FGR: variants seen among roughly 807,000 people sequenced by gnomAD.
FGR encodes FGR proto-oncogene, Src family tyrosine kinase.
A neutral mutation model predicts 63.2 loss-of-function variants in FGR; 26 were observed. The observed-to-expected ratio is 0.41, with a 90% confidence interval of 0.30 to 0.57. The LOEUF (loss-of-function observed/expected upper bound fraction) is 0.57, where lower values mean the gene tolerates loss of function less well. FGR is among the 20% of genes least tolerant of loss of function. The probability of loss-of-function intolerance (pLI) is 0.27; values close to 1 mark genes in which losing one functional copy is unlikely to be tolerated. For synonymous variants in FGR, 286 were observed against 277.7 expected (o/e 1.03, Z -0.30); for missense variants, 511 against 690.8 (o/e 0.74, Z 2.92).
chr1:27,631,506 C>CT (rs922174806), intron 1 of FGR, among the ~76,000 whole-genome samples: 1 of 152,240 alleles, frequency 6.6e-6, no homozygotes, highest in African/African-American at 2.4e-5. Flanking sequence ...TGCCTGACAA[C>CT]TAGCTTAAGG....
chr1:27,625,672 G>A (rs1360896513), intron 1 of FGR, among the ~76,000 whole-genome samples: 3 of 152,222 alleles, frequency 2.0e-5, no homozygotes, highest in Non-Finnish European at 1.5e-5. Flanking sequence ...CAGGCGCAGT[G>A]GCTCACGCCT....
chr1:27,622,891 A>C, intron 4 of FGR, 151 bp downstream of exon 4: 2 of 622,060 alleles, frequency 3.2e-6, no homozygotes, highest in Non-Finnish European at 5.9e-6. Context: ...CTCAACCAGC[A>C]CACAGTTGCA....
In FGR at chr1:27,623,601, A is replaced by C. The variant is rs766779505; in HGVS notation, c.226+90T>G. ...GGTTGTATCTGCCACATCCTCCTGG[A>C]GGCTCCTAAGGGCAAGTTCGCATCT... On this transcript the variant is annotated intron_variant, in intron 3 of 12. Transcript: ENST00000374005. 3.1e-6 allele frequency: 4 copies of C among 1,309,820 alleles called. No homozygotes were observed. The South Asian group carries it at 3.8e-5, about 12-fold the overall frequency. The allele number at this position is 1,309,820 out of a possible 1,614,324, so 81.1% of individuals were successfully genotyped here. A position where few individuals can be genotyped will look rare whatever the true frequency, so the allele number is the denominator to read the frequency against.
At chr1:27,626,918 G>C (rs1395337079) in intron 1 of FGR, among the ~76,000 whole-genome samples, 1 of 152,096 alleles carries the variant, frequency 6.6e-6, no homozygotes, top group Non-Finnish European at 1.5e-5. Context: ...TGCTATCCCA[G>C]GACTTTGGTA....
chr1:27,623,334 C>G (rs2089964302), intron 3 of FGR, 190 bp from the exon 4 acceptor site: 2 of 603,058 alleles, frequency 3.3e-6, no homozygotes, highest in African/African-American at 3.7e-5. Flanking sequence ...CAACTTCAAG[C>G]CCATTCCTCC....
chr1:27,619,399 C>T (rs2089878579), intron 5 of FGR, among the ~76,000 whole-genome samples: 1 of 152,156 alleles, frequency 6.6e-6, no homozygotes, highest in Admixed American at 6.5e-5. Context: ...CCACATTGGC[C>T]AGGCTGGTCT....
rs529497769 is a variant in FGR at position 27,625,418 on chromosome 1, G to A, written c.-76-267C>T. Among the ~76,000 whole-genome samples the A allele has an allele frequency of 4.6e-5, 7 of 152,238 alleles. No homozygotes were observed. The South Asian group carries it at 1.5e-3, about 32-fold the overall frequency. ...ACAATAACACTCACAGCATATATTT[G>A]CATGAGTGTGCGTGCCAACCCCATC... is the stretch of plus-strand genomic sequence containing the variant. On this transcript the variant is annotated intron_variant, in intron 1 of 12. Transcript: ENST00000374005.
Position 27,613,203 on chromosome 1 carries a change from C to A in FGR, c.1381+16G>T, listed in dbSNP as rs1238383126. 2 of 1,612,008 alleles carry A rather than the reference C, an allele frequency of 1.2e-6. No homozygotes were observed. The highest frequency in any genetic ancestry group is 2.7e-5 in the African/African-American group (2 of 74,898). On this transcript the variant is annotated intron_variant, in intron 12 of 12. Transcript: ENST00000374005. The stretch of plus-strand genomic sequence containing the variant: ...TGACCATCCCCCACCCCAGCCCTAC[C>A]CCTGGCGAGGCAAACCTGGGTAGGG...
chr1:27,627,658 G>T (rs1472596459), intron 1 of FGR, among the ~76,000 whole-genome samples: 1 of 152,038 alleles, frequency 6.6e-6, no homozygotes, highest in African/African-American at 2.4e-5. Flanking sequence ...ACCCAGGCTG[G>T]AGTGCAATGG....
Position 27,617,365 on chromosome 1 carries a change from A to C in FGR, c.429-69T>G, listed in dbSNP as rs1571385134. The C allele has an allele frequency of 3.6e-6, 4 of 1,108,806 alleles. No individual in the cohort carries two copies. The highest frequency in any genetic ancestry group is 3.5e-5 in the Admixed American group (2 of 56,856). 68.7% of individuals were successfully genotyped at this position (1,108,806 alleles called of 1,614,324 possible). ...CCTCACCTCAGCCTCCTGCACAGTC[A>C]CCTCACAAGCCAAGACTCCATTTTC... On this transcript the variant is annotated intron_variant, in intron 5 of 12. Transcript: ENST00000374005. The surrounding 1 kb of genome is among the most constrained non-coding windows in gnomAD (Gnocchi z 4.5).
rs780236688 is a variant in FGR, at chr1:27,623,022, T to C, written c.329+20A>G. 7 of 1,551,844 alleles carry C rather than the reference T, an allele frequency of 4.5e-6. No individual in the cohort carries two copies. The African/African-American group carries it at 8.1e-5, about 18-fold the overall frequency. On this transcript the variant is annotated intron_variant, in intron 4 of 12. Transcript: ENST00000374005. ...CTCCCAGCCCAGGCAATGTTCTGAC[T>C]AGGTGGCCTGGTCACTTACGTATTG...
At chr1:27,621,432 A>T in intron 5 of FGR, 127 bp downstream of exon 5, 3 of 666,618 alleles carry the variant, frequency 4.5e-6, no homozygotes. Context: ...TCTCACAATG[A>T]CCTTACAAAA....
In FGR at chr1:27,617,085, C is replaced by T; in HGVS notation, c.533-79G>A. ...CTGGGAGAGGCCCGACAGCAGCATC[C>T]CTAGGACCTGGTCCCAGTCTTGGCC... On this transcript the variant is annotated intron_variant, in intron 6 of 12. Coordinates refer to ENST00000374005, the MANE Select transcript of FGR (RefSeq NM_005248.3). This position sits in a 1 kb window ranked among gnomAD's most constrained non-coding sequence, Gnocchi z 4.5. 6.2e-7 allele frequency: 1 copy of T among 1,603,638 alleles called. No individual in the cohort carries two copies.
At chr1:27,627,818 A>G (rs1464011032) in intron 1 of FGR, among the ~76,000 whole-genome samples, 1 of 152,150 alleles carries the variant, frequency 6.6e-6, no homozygotes, top group Non-Finnish European at 1.5e-5. Context: ...TATGTTGGCC[A>G]GGCTGGTCTT....
At chr1:27,624,378 A>C (rs534849013) in intron 2 of FGR, among the ~76,000 whole-genome samples, 1 of 151,892 alleles carries the variant, frequency 6.6e-6, no homozygotes, top group South Asian at 2.1e-4. Context: ...GGGACTATAC[A>C]GGTGCGTGCC....
At position 27,615,363 on chromosome 1, in the gene FGR, AG is replaced by A. The variant is rs2089785426; in HGVS notation, c.1018+70del. The A allele has an allele frequency of 1.3e-6, 2 of 1,507,136 alleles. No homozygotes were observed. Among genetic ancestry groups the A allele is most frequent in the Non-Finnish European group, 1.8e-6 (2 of 1,106,494 alleles). 93.4% of individuals were successfully genotyped at this position (1,507,136 alleles called of 1,614,324 possible). On this transcript the variant is annotated intron_variant, in intron 9 of 12. Transcript: ENST00000374005. The surrounding 1 kb of genome is among the most constrained non-coding windows in gnomAD (Gnocchi z 7.6). ...CCTTGTCCCTCACAGATCGCGTCCCAGGTCCCACGCCTGAAAACTCCCCTCT... is the reference window on the plus strand; with the variant it reads ...CCTTGTCCCTCACAGATCGCGTCCCAGTCCCACGCCTGAAAACTCCCCTCT...
At position 27,615,818 on chromosome 1, in the gene FGR, G is replaced by A. The variant is rs1324783399; in HGVS notation, c.709C>T (p.Leu237Phe). The A allele has an allele frequency of 5.6e-6, 9 of 1,597,114 alleles. No homozygotes were observed. Among genetic ancestry groups the A allele is most frequent in the Admixed American group, 1.7e-5 (1 of 57,756 alleles). ...MEVNDGLCNLLIAPCTIMKPQ... is the reference protein window; with the variant it reads ...MEVNDGLCNLFIAPCTIMKPQ... The stretch of plus-strand genomic sequence containing the variant: ...TTCATGATGGTGCAGGGCGCGATGA[G>A]CAGGTTGCACAGCCCGTCATTCACC... The change falls in exon 8 of 13, where the codon CTC (leucine) becomes TTC (phenylalanine). Residue 237 changes from leucine (L) to phenylalanine (F), a missense_variant. By Grantham distance (22) the Leu-to-Phe change is conservative. Transcript: ENST00000374005. The surrounding 1 kb of genome is among the most constrained non-coding windows in gnomAD (Gnocchi z 7.6).
chr1:27,634,057 C>A (rs1248724295), intron 1 of FGR, among the ~76,000 whole-genome samples: 1 of 152,200 alleles, frequency 6.6e-6, no homozygotes, highest in East Asian at 1.9e-4. Context: ...CTGAACACAG[C>A]GGCATCGCCT....
chr1:27,618,263 C>T (rs997810411), intron 5 of FGR, among the ~76,000 whole-genome samples: 26 of 152,126 alleles, frequency 1.7e-4, no homozygotes, highest in Admixed American at 1.7e-3. Flanking sequence ...TCAAAGCCCT[C>T]CCCGCTCCCA....
Sources: allele counts gnomAD v4.1 joint callset (sites outside exome capture counted in the v4.1 genomes callset), GRCh38; gene constraint gnomAD v4.1.1; non-coding constraint Gnocchi (gnomAD v3.1); transcripts MANE v1.5; gene names NCBI Gene and HGNC (gene_info 2026-07-23, HGNC 2026-07-21).